Variants in AGBL1 observed in about 807,000 individuals in gnomAD.
AGBL1 encodes AGBL carboxypeptidase 1, also known as cytosolic carboxypeptidase 4.
A neutral mutation model predicts 118.9 loss-of-function variants in AGBL1; 130 were observed. The observed-to-expected ratio is 1.09, with a 90% CI of 0.95 to 1.26. AGBL1 has a LOEUF of 1.26. AGBL1 is among the 50% of genes most tolerant of loss of function. The probability of loss-of-function intolerance (pLI) is 0.00; values close to 1 mark genes in which losing one functional copy is unlikely to be tolerated. For missense variants in AGBL1, 1,584 were observed against 1,298.1 expected (o/e 1.22, Z -3.38); for synonymous variants, 555 against 478.9 (o/e 1.16, Z -2.08).
In AGBL1 at chr15:86,911,508, C is replaced by T. The variant is rs1338636468; in HGVS notation, c.*4214C>T. 6.6e-6 allele frequency: 1 copy of T among 152,196 alleles called. No individual in the cohort carries two copies. Among genetic ancestry groups the T allele is most frequent in the Non-Finnish European group, 1.5e-5 (1 of 68,078 alleles). 9.4% of individuals were successfully genotyped at this position (152,196 alleles called of 1,614,324 possible). A position where few individuals can be genotyped will look rare whatever the true frequency, so the allele number is the denominator to read the frequency against. On this transcript the variant is annotated 3_prime_UTR_variant, in exon 23 of 23. Transcript: ENST00000614907. Reference sequence around the variant, plus strand: ...TCCCTTTATAGCCTGGCCCCAATCTCCTTGACAGCCTCAGGTTCTGACATT... The same window carrying T: ...TCCCTTTATAGCCTGGCCCCAATCTTCTTGACAGCCTCAGGTTCTGACATT...
intron 24 of AGBL1, among the ~76,000 whole-genome samples, chr15:87,011,071 G>C (rs529731961): frequency 6.6e-6 from 1 of 152,338 alleles, no homozygotes; most frequent in South Asian, 2.1e-4. Flanking sequence ...ATATGAGTGA[G>C]ACCATGTCAG....
At chr15:86,948,525 T>C (rs1213311783) in intron 23 of AGBL1, among the ~76,000 whole-genome samples, 1 of 152,250 alleles carries the variant, frequency 6.6e-6, no homozygotes, top group Non-Finnish European at 1.5e-5. Flanking sequence ...TTGATTTGTC[T>C]GTTTTTTGAC....
chr15:86,256,912 G>A lies in AGBL1; in HGVS notation c.795G>A (p.Arg265=), dbSNP rs1477871232. 5 of 1,613,900 alleles carry A rather than the reference G, an allele frequency of 3.1e-6. No homozygotes were observed. In the East Asian group the frequency reaches 8.9e-5, roughly 29 times the overall value. ...TCTCTGTGGTGCTTCAGATCCTGAG[G>A]CAGTGCTACCCTACGAGTCCACTTC... ...PVISVVLQIL[R]QCYPTSPLPL... Residue 265 remains arginine, a synonymous_variant, in exon 8 of 23, where the codon AGG becomes AGA. Transcript: ENST00000614907.
At chr15:86,665,129 T>C (rs2085620634) in intron 21 of AGBL1, among the ~76,000 whole-genome samples, 1 of 152,196 alleles carries the variant, frequency 6.6e-6, no homozygotes, top group African/African-American at 2.4e-5. Flanking sequence ...TATATCCCTA[T>C]GACGTTGCCA....
intron 20 of AGBL1, among the ~76,000 whole-genome samples, chr15:86,548,811 A>C (rs1287609044): frequency 1.3e-5 from 2 of 152,070 alleles, no homozygotes; most frequent in Non-Finnish European, 2.9e-5. Context: ...AGACTGGATA[A>C]ATTATAAAGA....
At chr15:86,096,375 T>C (rs928854028) in intron 1 of AGBL1, among the ~76,000 whole-genome samples, 1 of 152,262 alleles carries the variant, frequency 6.6e-6, no homozygotes, top group South Asian at 2.1e-4. Context: ...GAATAAACAC[T>C]TTACTGAGAA....
At chr15:86,449,041 G>C (rs913893293) in intron 18 of AGBL1, among the ~76,000 whole-genome samples, 3 of 152,094 alleles carry the variant, frequency 2.0e-5, no homozygotes, top group Admixed American at 6.6e-5. Flanking sequence ...AAAAGTTAAA[G>C]CTGGAAGAAC....
chr15:86,877,381 C>T (rs1337334642), intron 22 of AGBL1, among the ~76,000 whole-genome samples: 4 of 152,194 alleles, frequency 2.6e-5, no homozygotes, highest in Non-Finnish European at 5.9e-5. Context: ...TCTTGGCCGG[C>T]ATGCTCTTCC....
intron 16 of AGBL1, among the ~76,000 whole-genome samples, chr15:86,285,992 T>A (rs184234400): frequency 1.3e-5 from 2 of 152,244 alleles, no homozygotes; most frequent in Admixed American, 1.3e-4. Flanking sequence ...ATCTAGATTT[T>A]ATTTTTTTTT....
intron 18 of AGBL1, among the ~76,000 whole-genome samples, chr15:86,405,339 G>A (rs536881998): frequency 2.6e-4 from 38 of 148,476 alleles, no homozygotes; most frequent in South Asian, 1.7e-3. Flanking sequence ...GTGAAACCCC[G>A]TCTCTATTAA....
intron 1 of AGBL1, among the ~76,000 whole-genome samples, chr15:86,123,720 G>A (rs188806361): frequency 2.6e-5 from 4 of 152,274 alleles, no homozygotes; most frequent in Admixed American, 1.3e-4. Context: ...TGTATTGATT[G>A]ATGTCTTATG....
At chr15:86,080,561 G>A (rs1895199623) in intron 1 of AGBL1, among the ~76,000 whole-genome samples, 1 of 152,172 alleles carries the variant, frequency 6.6e-6, no homozygotes, top group South Asian at 2.1e-4. Flanking sequence ...ATCATGTAGG[G>A]CAGTAGCCTG....
chr15:86,548,666 C>T (rs987556056), intron 20 of AGBL1, among the ~76,000 whole-genome samples: 1 of 40,262 alleles, frequency 2.5e-5, no homozygotes, highest in Non-Finnish European at 6.1e-5. Flanking sequence ...CATGCACGCA[C>T]ACACACACAC....
rs888037934 is a variant in AGBL1, at chr15:86,914,668, G to A, written c.*7374G>A. On this transcript the variant is annotated 3_prime_UTR_variant, in exon 23 of 23. Transcript: ENST00000614907. ...GTTGTTATGCTCACTTTATAAATGAGGGCATTAAGAATTTAAGGGCTAGCC... is the reference window on the plus strand; with the variant it reads ...GTTGTTATGCTCACTTTATAAATGAAGGCATTAAGAATTTAAGGGCTAGCC... The A allele has an allele frequency of 3.9e-5, 6 of 152,164 alleles. No individual in the cohort carries two copies. The highest frequency in any genetic ancestry group is 4.4e-5 in the Non-Finnish European group (3 of 68,034). 9.4% of individuals were successfully genotyped at this position (152,164 alleles called of 1,614,324 possible).
rs1042935244 is a variant in AGBL1 at position 86,499,678 on chromosome 15, G to T, written c.2556-23132G>T. Reference sequence around the variant, plus strand: ...ATTCTGGACTGGTCCCATAGAATGAGGTTTTAAGCATGGATTCAGCTAGTA... The same window carrying T: ...ATTCTGGACTGGTCCCATAGAATGATGTTTTAAGCATGGATTCAGCTAGTA... On this transcript the variant is annotated intron_variant, in intron 18 of 22. Coordinates refer to ENST00000614907, the MANE Select transcript of AGBL1 (RefSeq NM_001386094.1). 4.9e-4 allele frequency among the ~76,000 whole-genome samples: 75 copies of T among 151,790 alleles called. 1 individual carries two copies. The highest frequency in any genetic ancestry group is 1.8e-3 in the African/African-American group (73 of 41,352).
At chr15:86,425,399 G>C (rs1204262607) in intron 18 of AGBL1, among the ~76,000 whole-genome samples, 1 of 152,022 alleles carries the variant, frequency 6.6e-6, no homozygotes, top group Non-Finnish European at 1.5e-5. Flanking sequence ...GGGGGTGGGG[G>C]GCTAGGGGAG....
intron 16 of AGBL1, among the ~76,000 whole-genome samples, chr15:86,286,856 C>A (rs1023040251): frequency 2.0e-5 from 3 of 151,468 alleles, no homozygotes; most frequent in African/African-American, 4.9e-5. Flanking sequence ...GTACTGATTT[C>A]AGTTCCTTTG....
At chr15:86,697,403 C>T (rs760715095) in intron 22 of AGBL1, among the ~76,000 whole-genome samples, 5 of 151,698 alleles carry the variant, frequency 3.3e-5, no homozygotes, top group African/African-American at 4.8e-5. Context: ...CTTTCCTGTA[C>T]ATTTTGCGTT....
At chr15:86,458,573 T>C (rs1012405493) in intron 18 of AGBL1, among the ~76,000 whole-genome samples, 1 of 152,190 alleles carries the variant, frequency 6.6e-6, no homozygotes, top group Non-Finnish European at 1.5e-5. Flanking sequence ...TAACACCATT[T>C]GTCACTGAGC....
Sources: gnomAD v4.1 joint callset for allele counts (sites outside exome capture counted in the v4.1 genomes callset) on GRCh38, gnomAD v4.1.1 for gene constraint, MANE v1.5 for transcripts, NCBI Gene and HGNC (gene_info 2026-07-23, HGNC 2026-07-21) for gene names.